PDE10A: variants seen among roughly 807,000 people sequenced by gnomAD.
PDE10A encodes the protein phosphodiesterase 10A.
PDE10A carries 39 observed loss-of-function variants against 97.7 expected under a neutral mutation model. The observed-to-expected ratio is 0.40, with a 90% CI of 0.31 to 0.52. PDE10A has a LOEUF of 0.52. Among genes scored for constraint, PDE10A ranks in the 20% least tolerant of loss-of-function variants. The pLI is 0.56. For synonymous variants in PDE10A, 371 were observed against 376.8 expected (o/e 0.98, Z 0.18); for missense variants, 731 against 1,047.8 (o/e 0.70, Z 4.17).
intron 1 of PDE10A, among the ~76,000 whole-genome samples, chr6:165,764,074 G>A (rs1474723037): frequency 1.3e-5 from 2 of 152,232 alleles, no homozygotes; most frequent in South Asian, 2.1e-4. Context: ...ATTCAATTCA[G>A]TAGAGATGGC....
intron 2 of PDE10A, among the ~76,000 whole-genome samples, chr6:165,494,551 TAATA>T (rs1780428102): frequency 6.7e-6 from 1 of 149,748 alleles, no homozygotes; most frequent in Non-Finnish European, 1.5e-5. Flanking sequence ...TTTATTTATT[TAATA>T]AAGAAGAAAT....
chr6:165,634,416 T>C (rs1788779709), intron 1 of PDE10A, among the ~76,000 whole-genome samples: 1 of 152,122 alleles, frequency 6.6e-6, no homozygotes. Flanking sequence ...TGTGGCTGGT[T>C]CCCCTTATGT....
intron 2 of PDE10A, among the ~76,000 whole-genome samples, chr6:165,487,420 A>C (rs115075048): frequency 6.6e-6 from 1 of 152,222 alleles, no homozygotes; most frequent in Non-Finnish European, 1.5e-5. Context: ...ATTCTACATC[A>C]TGGTGAGTTG....
At chr6:165,446,848 C>A (rs1054649764) in intron 5 of PDE10A, among the ~76,000 whole-genome samples, 4 of 152,016 alleles carry the variant, frequency 2.6e-5, no homozygotes, top group Non-Finnish European at 5.9e-5. Flanking sequence ...GGAATCAGTG[C>A]CCCTAGAGAG....
chr6:165,926,823 G>T (rs1017167557), intron 1 of PDE10A, among the ~76,000 whole-genome samples: 1 of 152,172 alleles, frequency 6.6e-6, no homozygotes, highest in Non-Finnish European at 1.5e-5. Context: ...TGAAGATGTT[G>T]TACTTTACAT....
chr6:165,591,124 G>A (rs973349547), intron 1 of PDE10A, among the ~76,000 whole-genome samples: 1 of 152,158 alleles, frequency 6.6e-6, no homozygotes, highest in African/African-American at 2.4e-5. Context: ...AAGGAGCATA[G>A]GATGGCATGA....
At chr6:165,583,887 T>C (rs1335349870) in intron 1 of PDE10A, among the ~76,000 whole-genome samples, 4 of 152,160 alleles carry the variant, frequency 2.6e-5, no homozygotes, top group Non-Finnish European at 5.9e-5. Context: ...TCACTTCCTG[T>C]TCCCACAACC....
intron 13 of PDE10A, among the ~76,000 whole-genome samples, chr6:165,407,509 C>CA (rs779524191): frequency 2.8e-4 from 43 of 152,092 alleles, no homozygotes; most frequent in Non-Finnish European, 4.1e-4. Flanking sequence ...AGCCTTATAT[C>CA]AAATAAGAGT....
At chr6:165,762,482 G>A (rs1354780665) in intron 1 of PDE10A, among the ~76,000 whole-genome samples, 8 of 144,200 alleles carry the variant, frequency 5.5e-5, no homozygotes, top group African/African-American at 8.2e-5. Flanking sequence ...TAGATTTCAG[G>A]AATATTAAAA....
At chr6:165,609,078 A>G (rs1310021949) in intron 1 of PDE10A, among the ~76,000 whole-genome samples, 1 of 152,122 alleles carries the variant, frequency 6.6e-6, no homozygotes, top group Non-Finnish European at 1.5e-5. Context: ...CTCTGATGGT[A>G]GTTTCTTTTC....
At chr6:165,759,873 A>T (rs1162080883) in intron 1 of PDE10A, among the ~76,000 whole-genome samples, 1 of 152,154 alleles carries the variant, frequency 6.6e-6, no homozygotes, top group East Asian at 1.9e-4. Flanking sequence ...TTAATAAATC[A>T]TGTTTGAAGT....
At chr6:165,838,925 G>A (rs1482345486) in intron 1 of PDE10A, among the ~76,000 whole-genome samples, 4 of 152,200 alleles carry the variant, frequency 2.6e-5, no homozygotes, top group African/African-American at 7.2e-5. Context: ...GACGTTCCAT[G>A]ATACTGTCAG....
intron 1 of PDE10A, among the ~76,000 whole-genome samples, chr6:165,836,939 A>C (rs1046047005): frequency 6.6e-6 from 1 of 151,558 alleles, no homozygotes. Flanking sequence ...TCAGTAAACT[A>C]TCGCAAGAAC....
chr6:165,603,305 G>A (rs2128396546), intron 1 of PDE10A, among the ~76,000 whole-genome samples: 1 of 152,290 alleles, frequency 6.6e-6, no homozygotes, highest in East Asian at 1.9e-4. Flanking sequence ...TCTCACTGGT[G>A]CTTTATCGTT....
chr6:165,904,629 A>T (rs574653885), intron 1 of PDE10A, among the ~76,000 whole-genome samples: 88 of 152,310 alleles, frequency 5.8e-4, no homozygotes, highest in Non-Finnish European at 9.1e-4. Flanking sequence ...GAGGGCAAGG[A>T]TCTCCTATAC....
intron 1 of PDE10A, among the ~76,000 whole-genome samples, chr6:165,654,429 T>C (rs1400137715): frequency 6.6e-6 from 1 of 151,470 alleles, no homozygotes; most frequent in African/African-American, 2.4e-5. Flanking sequence ...TTGAGAGAAA[T>C]GGCGGTCAGA....
Position 165,388,766 on chromosome 6 carries a change from C to T in PDE10A, c.2455-313G>A, listed in dbSNP as rs11967995. On this transcript the variant is annotated intron_variant, in intron 16 of 21. Transcript: ENST00000539869. The surrounding 1 kb of genome is among the most constrained non-coding windows in gnomAD (Gnocchi z 4.0). ...ACTTAAAGGTATAAAGCAAATGTTC[C>T]AAAAAAGTACAGATAAAGCAAATCT... Among the ~76,000 whole-genome samples, 29,978 of 151,910 alleles carry T rather than the reference C, an allele frequency of 0.2. 3,624 individuals carry two copies. The highest frequency in any genetic ancestry group is 0.34 in the African/African-American group (13,917 of 41,388).
chr6:165,660,707 A>T (rs1790204364), intron 1 of PDE10A: 1 of 152,710 alleles, frequency 6.5e-6, no homozygotes, highest in South Asian at 2.1e-4. Context: ...TGGGAGCGGG[A>T]AACCGAAACA....
chr6:165,476,220 G>C (rs1779288021), intron 3 of PDE10A, among the ~76,000 whole-genome samples: 1 of 151,896 alleles, frequency 6.6e-6, no homozygotes, highest in Non-Finnish European at 1.5e-5. Context: ...GAATACAGAG[G>C]ATAGAAGCGA....
Sources: gnomAD v4.1 joint callset for allele counts (sites outside exome capture counted in the v4.1 genomes callset) on GRCh38, gnomAD v4.1.1 for gene constraint, Gnocchi (gnomAD v3.1) non-coding constraint, MANE v1.5 for transcripts, NCBI Gene and HGNC (gene_info 2026-07-23, HGNC 2026-07-21) for gene names.